Variants in SNX29 observed in about 807,000 individuals in gnomAD.
SNX29 encodes the protein sorting nexin-29.
Under a neutral mutation model 102.1 loss-of-function variants are expected in SNX29, and 78 were observed. The observed-to-expected ratio is 0.76, with a 90% CI of 0.64 to 0.92. SNX29 has a LOEUF of 0.92. Among genes scored for constraint, SNX29 ranks in the 40% least tolerant of loss-of-function variants. The probability of loss-of-function intolerance (pLI) is 0.00; values close to 1 mark genes in which losing one functional copy is unlikely to be tolerated. For synonymous variants in SNX29, 580 were observed against 414.5 expected, an observed-to-expected ratio of 1.40 and a Z score of -4.85; for missense variants, 1,280 against 1,061.7, an observed-to-expected ratio of 1.21 and a Z score of -2.86.
chr16:12,237,131 G>A (rs1051029335), intron 14 of SNX29, among the ~76,000 whole-genome samples: 19 of 152,282 alleles, frequency 1.2e-4, no homozygotes, highest in African/African-American at 3.9e-4. Flanking sequence ...GGCAGATGCC[G>A]TGCCCCAGTC....
chr16:12,552,848 G>C (rs956183543), intron 20 of SNX29, among the ~76,000 whole-genome samples: 5 of 152,240 alleles, frequency 3.3e-5, no homozygotes, highest in Non-Finnish European at 5.9e-5. Flanking sequence ...AGAGAGGAGA[G>C]GGTGTGGCAG....
At chr16:12,565,233 T>C (rs2078948349) in intron 20 of SNX29, among the ~76,000 whole-genome samples, 1 of 152,200 alleles carries the variant, frequency 6.6e-6, no homozygotes, top group Non-Finnish European at 1.5e-5. Flanking sequence ...TATTAGGCTG[T>C]TCTCAATCTA....
At chr16:12,549,149 A>C (rs1313099720) in intron 20 of SNX29, among the ~76,000 whole-genome samples, 1 of 151,860 alleles carries the variant, frequency 6.6e-6, no homozygotes, top group Non-Finnish European at 1.5e-5. Flanking sequence ...TTGATTTAGC[A>C]GTTATCACAT....
intron 16 of SNX29, among the ~76,000 whole-genome samples, chr16:12,393,065 G>A (rs1181762196): frequency 6.6e-6 from 1 of 152,194 alleles, no homozygotes; most frequent in Non-Finnish European, 1.5e-5. Context: ...AGTGAAAAGG[G>A]AGAGCTAATT....
chr16:12,536,012 G>A (rs998233329), intron 20 of SNX29, among the ~76,000 whole-genome samples: 4 of 152,120 alleles, frequency 2.6e-5, no homozygotes, highest in African/African-American at 4.8e-5. Context: ...ACACGCACTC[G>A]GAGCTATCCC....
chr16:12,034,526 A>T (rs2057422227), intron 4 of SNX29, among the ~76,000 whole-genome samples: 1 of 152,210 alleles, frequency 6.6e-6, no homozygotes, highest in Non-Finnish European at 1.5e-5. Context: ...GCTGTGTGTT[A>T]TCCTGGGTCA....
Position 12,277,877 on chromosome 16 carries a change from G to A in SNX29, c.1679-56G>A, listed in dbSNP as rs2079304026. ...GAAGAATTTTTTCTTTTTTTACTGG[G>A]AGAATAATTTTCGATACTGTTGAAA... On this transcript the variant is annotated intron_variant, in intron 14 of 20. Transcript: ENST00000566228. The A allele has an allele frequency of 2.7e-6, 4 of 1,470,420 alleles. No individual in the cohort carries two copies. In the South Asian group the frequency reaches 3.7e-5, roughly 14 times the overall value. 91.1% of individuals were successfully genotyped at this position (1,470,420 alleles called of 1,614,324 possible). A position where few individuals can be genotyped will look rare whatever the true frequency, so the allele number is the denominator to read the frequency against.
At chr16:12,528,275 C>G (rs1346734313) in intron 20 of SNX29, among the ~76,000 whole-genome samples, 3 of 152,182 alleles carry the variant, frequency 2.0e-5, no homozygotes, top group Admixed American at 1.3e-4. Flanking sequence ...TCTTGGCTCA[C>G]TGCAACCTCT....
intron 14 of SNX29, among the ~76,000 whole-genome samples, chr16:12,276,872 G>A (rs544863335): frequency 3.0e-4 from 45 of 152,200 alleles, no homozygotes; most frequent in Admixed American, 1.2e-3. Flanking sequence ...GCTCTGACCT[G>A]GGAGCCAGTC....
intron 13 of SNX29, among the ~76,000 whole-genome samples, chr16:12,197,886 A>G (rs1178991125): frequency 6.6e-6 from 1 of 151,936 alleles, no homozygotes; most frequent in African/African-American, 2.4e-5. Context: ...TACAGCACAG[A>G]GAAGCAAAAT....
At chr16:12,206,384 CAAAAAAAA>C (rs59859762) in intron 14 of SNX29, among the ~76,000 whole-genome samples, 1 of 92,136 alleles carries the variant, frequency 1.1e-5, no homozygotes, top group Non-Finnish European at 2.1e-5. Flanking sequence ...AAATAGCTTT[CAAAAAAAA>C]AAAAAAAAAA....
chr16:12,519,335 T>C (rs1477662905), intron 19 of SNX29, among the ~76,000 whole-genome samples: 1 of 152,184 alleles, frequency 6.6e-6, no homozygotes, highest in Non-Finnish European at 1.5e-5. Flanking sequence ...CAGTATTGCA[T>C]TCAACCTATT....
intron 13 of SNX29, among the ~76,000 whole-genome samples, chr16:12,167,687 C>G (rs552232063): frequency 2.0e-5 from 3 of 152,284 alleles, no homozygotes; most frequent in Non-Finnish European, 4.4e-5. Context: ...CCACTGCCCT[C>G]TTAGAGATGT....
chr16:11,993,773 T>C (rs1382813926), intron 1 of SNX29, among the ~76,000 whole-genome samples: 1 of 152,134 alleles, frequency 6.6e-6, no homozygotes, highest in Non-Finnish European at 1.5e-5. Context: ...TAAAAATTAA[T>C]GTAGGATCCA....
chr16:12,540,793 T>G (rs2077299211), intron 20 of SNX29, among the ~76,000 whole-genome samples: 1 of 152,234 alleles, frequency 6.6e-6, no homozygotes, highest in African/African-American at 2.4e-5. Flanking sequence ...GCTTGAGGAC[T>G]GCTCAAGGCT....
intron 20 of SNX29, among the ~76,000 whole-genome samples, chr16:12,557,087 C>A (rs1347680934): frequency 6.6e-6 from 1 of 150,558 alleles, no homozygotes; most frequent in East Asian, 2.0e-4. Context: ...AGGCTCAAGC[C>A]ATCTAGCTGC....
intron 13 of SNX29, among the ~76,000 whole-genome samples, chr16:12,132,544 A>G (rs983564836): frequency 1.3e-5 from 2 of 152,260 alleles, no homozygotes; most frequent in Non-Finnish European, 2.9e-5. Flanking sequence ...GGATGATCTC[A>G]TCTAGCTGAA....
chr16:12,410,296 G>GT (rs1444404057), intron 18 of SNX29, among the ~76,000 whole-genome samples: 1 of 151,238 alleles, frequency 6.6e-6, no homozygotes, highest in Non-Finnish European at 1.5e-5. Context: ...GCCTGGCCGC[G>GT]TTTTTTTCTT....
At chr16:12,561,264 C>T (rs1305149450) in intron 20 of SNX29, 2 of 230,120 alleles carry the variant, frequency 8.7e-6, no homozygotes, top group Non-Finnish European at 1.7e-5. Context: ...TCCACAGATC[C>T]AAGGGGCTAA....
Sources: gnomAD v4.1 joint callset for allele counts (sites outside exome capture counted in the v4.1 genomes callset) on GRCh38, gnomAD v4.1.1 for gene constraint, MANE v1.5 for transcripts, NCBI Gene and HGNC (gene_info 2026-07-23, HGNC 2026-07-21) for gene names.